SLC19A2: variants seen among roughly 807,000 people sequenced by gnomAD.
SLC19A2 encodes the protein thiamine transporter 1.
A neutral mutation model predicts 44.7 loss-of-function variants in SLC19A2; 27 were observed. That is an observed-to-expected ratio of 0.60 (90% CI 0.45 to 0.83). SLC19A2 has a LOEUF of 0.83. Among genes scored for constraint, SLC19A2 ranks in the 40% least tolerant of loss-of-function variants. The pLI, the probability that SLC19A2 is intolerant of heterozygous loss-of-function variation, is 0.00. For synonymous variants in SLC19A2, 239 were observed against 243.6 expected (o/e 0.98, Z 0.18); for missense variants, 566 against 613.7 (o/e 0.92, Z 0.82).
intron 2 of SLC19A2, chr1:169,474,142 G>A (rs931659903): frequency 6.6e-6 from 1 of 152,084 alleles, no homozygotes; most frequent in Non-Finnish European, 1.5e-5. Context: ...GGGTTTTGGT[G>A]AGGGAGGTAG....
At chr1:169,483,715 C>T (rs1658491849) in intron 1 of SLC19A2, among the ~76,000 whole-genome samples, 1 of 152,212 alleles carries the variant, frequency 6.6e-6, no homozygotes, top group African/African-American at 2.4e-5. Context: ...GAGCACATGA[C>T]AAAACAGATC....
chr1:169,471,840 G>A (rs1049979970), intron 2 of SLC19A2, among the ~76,000 whole-genome samples: 2 of 152,066 alleles, frequency 1.3e-5, no homozygotes, highest in Non-Finnish European at 2.9e-5. Flanking sequence ...TCACTGGACT[G>A]AGAATCCGAG....
intron 2 of SLC19A2, among the ~76,000 whole-genome samples, chr1:169,474,414 A>G (rs1658262735): frequency 6.6e-6 from 1 of 152,212 alleles, no homozygotes; most frequent in Non-Finnish European, 1.5e-5. Flanking sequence ...AGAACTCAAA[A>G]TAAATCAGTT....
chr1:169,472,511 CAG>C (rs1233421412), intron 2 of SLC19A2, among the ~76,000 whole-genome samples: 5 of 152,050 alleles, frequency 3.3e-5, no homozygotes, highest in African/African-American at 4.8e-5. Flanking sequence ...AAAGATTATA[CAG>C]AGTTACACTA....
intron 1 of SLC19A2, among the ~76,000 whole-genome samples, chr1:169,483,711 A>G (rs1056798799): frequency 4.6e-5 from 7 of 152,232 alleles, no homozygotes; most frequent in Non-Finnish European, 8.8e-5. Context: ...CCCAGAGCAC[A>G]TGACAAAACA....
At chr1:169,472,063 A>T (rs1212462570) in intron 2 of SLC19A2, among the ~76,000 whole-genome samples, 2 of 152,214 alleles carry the variant, frequency 1.3e-5, no homozygotes, top group Non-Finnish European at 2.9e-5. Flanking sequence ...TTTGCATAAG[A>T]TAACCACCTA....
chr1:169,473,286 G>A (rs1175437331), intron 2 of SLC19A2, among the ~76,000 whole-genome samples: 1 of 151,964 alleles, frequency 6.6e-6, no homozygotes, highest in Non-Finnish European at 1.5e-5. Context: ...CCAGGCTAGA[G>A]TACAGTGGCA....
At chr1:169,482,144 T>C (rs1571540738) in intron 1 of SLC19A2, among the ~76,000 whole-genome samples, 1 of 151,838 alleles carries the variant, frequency 6.6e-6, no homozygotes, top group Non-Finnish European at 1.5e-5. Flanking sequence ...GAGATTGCAG[T>C]GAGCCGAGAT....
intron 2 of SLC19A2, among the ~76,000 whole-genome samples, chr1:169,472,938 G>A (rs2101777416): frequency 6.6e-6 from 1 of 152,268 alleles, no homozygotes; most frequent in South Asian, 2.1e-4. Context: ...AATCATGCAT[G>A]CTCTAATTTA....
chr1:169,472,713 G>A (rs1658216795), intron 2 of SLC19A2, among the ~76,000 whole-genome samples: 1 of 152,158 alleles, frequency 6.6e-6, no homozygotes, highest in East Asian at 1.9e-4. Context: ...ATGCCAAAAA[G>A]AAAAGATGGC....
intron 1 of SLC19A2, among the ~76,000 whole-genome samples, chr1:169,479,340 T>C (rs1354173495): frequency 6.6e-6 from 1 of 152,170 alleles, no homozygotes; most frequent in African/African-American, 2.4e-5. Context: ...AAAAAAGAAG[T>C]TTTTGCTGTT....
Position 169,464,748 on chromosome 1 carries a change from A to G in SLC19A2, c.*1101T>C, listed in dbSNP as rs1050255733. On this transcript the variant is annotated 3_prime_UTR_variant, in exon 6 of 6. Coordinates refer to ENST00000236137, the MANE Select transcript of SLC19A2 (RefSeq NM_006996.3). ...TATTCAAGATGATCTACCTTTAGAA[A>G]CAAAGGCAGATTTAAGGTAAAAAAA... 3 of 152,630 alleles carry G rather than the reference A, an allele frequency of 2.0e-5. No individual in the cohort carries two copies. The highest frequency in any genetic ancestry group is 7.2e-5 in the African/African-American group (3 of 41,454). The allele number at this position is 152,630 out of a possible 1,614,324, so 9.5% of individuals were successfully genotyped here. A position where few individuals can be genotyped will look rare whatever the true frequency, so the allele number is the denominator to read the frequency against.
chr1:169,478,175 G>A (rs1658369485), intron 1 of SLC19A2, among the ~76,000 whole-genome samples: 1 of 152,036 alleles, frequency 6.6e-6, no homozygotes, highest in African/African-American at 2.4e-5. Context: ...AGGATTACAA[G>A]GGTGAGCCAC....
In SLC19A2 at chr1:169,470,007, A is replaced by G. The variant is rs1658129578; in HGVS notation, c.987T>C (p.Ala329=). The change falls in exon 3 of 6, where the codon GCT becomes GCC. Residue 329 remains alanine, a synonymous_variant. Coordinates refer to ENST00000236137, the MANE Select transcript of SLC19A2 (RefSeq NM_006996.3). ...LWEKVMPSRY[A]AIYNGGVEAV... Reference sequence around the variant, plus strand: ...CCTCCACGCCACCATTATAGATAGCAGCATAGCGAGAAGGCATCACTTTCT... The same window carrying G: ...CCTCCACGCCACCATTATAGATAGCGGCATAGCGAGAAGGCATCACTTTCT... 1 of 1,613,904 alleles carries G rather than the reference A, an allele frequency of 6.2e-7. No homozygotes were observed. The highest frequency in any genetic ancestry group is 1.1e-5 in the South Asian group (1 of 91,072).
At chr1:169,482,753 A>G (rs1658469241) in intron 1 of SLC19A2, among the ~76,000 whole-genome samples, 1 of 152,228 alleles carries the variant, frequency 6.6e-6, no homozygotes, top group African/African-American at 2.4e-5. Context: ...AGTACATGTC[A>G]ACAGATGAGA....
chr1:169,476,994 TTGAATGAATGAA>T (rs111564572), intron 2 of SLC19A2, among the ~76,000 whole-genome samples, 149 bp downstream of exon 2: 1 of 151,990 alleles, frequency 6.6e-6, no homozygotes, highest in Non-Finnish European at 1.5e-5. Context: ...AAACCATAGC[TTGAATGAATGAA>T]TGAATGAATG....
At position 169,477,419 on chromosome 1, in the gene SLC19A2, T is replaced by A. The variant is rs536167730; in HGVS notation, c.543A>T (p.Ser181=). The change falls in exon 2 of 6, where the codon TCA becomes TCT. Residue 181 remains serine (S), a synonymous_variant. Coordinates refer to ENST00000236137, the MANE Select transcript of SLC19A2 (RefSeq NM_006996.3). ...GGCTGAACAGCGACCAGCCTGCCAC[T>A]GAGACAAGGATTTGCCCTAGGACAG... The part of the protein sequence containing the change: ...VGSVLGQILV[S]VAGWSLFSLN... 9 of 1,614,168 alleles carry A rather than the reference T, an allele frequency of 5.6e-6. No individual in the cohort carries two copies. The East Asian group carries it at 1.8e-4, about 32-fold the overall frequency.
At chr1:169,483,585 C>G (rs547855838) in intron 1 of SLC19A2, among the ~76,000 whole-genome samples, 2 of 152,314 alleles carry the variant, frequency 1.3e-5, no homozygotes, top group South Asian at 4.1e-4. Flanking sequence ...ATAGTTACTA[C>G]GCCTGGCAAC....
At position 169,468,244 on chromosome 1, in the gene SLC19A2, A is replaced by T. The variant is rs1439036401; in HGVS notation, c.1232T>A (p.Ile411Asn). Residue 411 changes from isoleucine (I) to asparagine (N), a missense_variant, in exon 5 of 6, where the codon ATT (isoleucine) becomes AAT (asparagine). By Grantham distance (149) the Ile-to-Asn change is moderately radical. Transcript: ENST00000236137. ...GCGTTCCATGCTGAGGTTTGCAGCA[A>T]TTTGAAAACTTAAAAAAAAATAAAA... Reference protein sequence around the residue: ...MLLITIATFQIAANLSMERYA... With the variant: ...MLLITIATFQNAANLSMERYA... The T allele has an allele frequency of 4.3e-6, 7 of 1,613,224 alleles. No individual in the cohort carries two copies. The highest frequency in any genetic ancestry group is 5.9e-6 in the Non-Finnish European group (7 of 1,179,502).
Sources: gnomAD v4.1 joint callset for allele counts (sites outside exome capture counted in the v4.1 genomes callset) on GRCh38, gnomAD v4.1.1 for gene constraint, MANE v1.5 for transcripts, NCBI Gene and HGNC (gene_info 2026-07-23, HGNC 2026-07-21) for gene names.